Variants in SCFD2 observed in about 807,000 individuals in gnomAD.
SCFD2 encodes sec1 family domain-containing protein 2.
Under a neutral mutation model 58.9 loss-of-function variants are expected in SCFD2, and 54 were observed. The ratio of observed to expected loss-of-function variants is 0.92; its 90% CI spans 0.74 to 1.15. SCFD2 has a LOEUF of 1.15. SCFD2 is among the 50% of genes most tolerant of loss of function. The pLI is 0.00. For synonymous variants in SCFD2, 321 were observed against 335.9 expected, an observed-to-expected ratio of 0.96 and a Z score of 0.49; for missense variants, 805 against 836.6, an observed-to-expected ratio of 0.96 and a Z score of 0.47.
intron 5 of SCFD2, among the ~76,000 whole-genome samples, chr4:53,027,101 T>A (rs566873317): frequency 4.6e-5 from 7 of 152,322 alleles, no homozygotes; most frequent in Middle Eastern, 3.4e-3. Context: ...TGAGCTAGCC[T>A]CATCCAGAAC....
chr4:53,125,211 A>T (rs997798745), intron 5 of SCFD2, among the ~76,000 whole-genome samples: 6 of 152,216 alleles, frequency 3.9e-5, no homozygotes, highest in Non-Finnish European at 8.8e-5. Context: ...AATGGGGAAC[A>T]GGGAATGTAT....
chr4:52,978,259 C>G (rs979472944), intron 5 of SCFD2, among the ~76,000 whole-genome samples: 4 of 152,120 alleles, frequency 2.6e-5, no homozygotes, highest in African/African-American at 9.7e-5. Flanking sequence ...GAAAGTCACT[C>G]CCAGAGCAAG....
At chr4:53,128,477 T>C (rs1358094766) in intron 5 of SCFD2, among the ~76,000 whole-genome samples, 1 of 152,160 alleles carries the variant, frequency 6.6e-6, no homozygotes, top group Admixed American at 6.5e-5. Flanking sequence ...GGAGAACAAC[T>C]TGAAGTAATC....
chr4:53,197,460 G>C (rs1029950791), intron 4 of SCFD2, among the ~76,000 whole-genome samples: 13 of 151,990 alleles, frequency 8.6e-5, no homozygotes, highest in African/African-American at 3.1e-4. Flanking sequence ...TATTCATAAA[G>C]ACTTAACTAT....
In SCFD2 at chr4:53,229,116, A is replaced by G. The variant is rs535969760; in HGVS notation, c.1311+44710T>C. 5.6e-4 allele frequency among the ~76,000 whole-genome samples: 86 copies of G among 152,330 alleles called. 1 individual carries two copies. The highest frequency in any genetic ancestry group is 1.0e-3 in the Non-Finnish European group (70 of 68,034). On this transcript the variant is annotated intron_variant, in intron 4 of 8. Transcript: ENST00000401642. ...CTACAAACCACTGCTCAATGAAATA[A>G]AAGAGGATACAAACAAATGGAAGAA... is the stretch of plus-strand genomic sequence containing the variant.
chr4:53,174,920 CT>C (rs777550093), intron 4 of SCFD2, among the ~76,000 whole-genome samples: 4 of 150,220 alleles, frequency 2.7e-5, no homozygotes, highest in Non-Finnish European at 4.4e-5. Context: ...AATGTTCTGC[CT>C]ATGCCGTACA....
chr4:52,981,936 C>T (rs1721385622), intron 5 of SCFD2, among the ~76,000 whole-genome samples: 1 of 151,784 alleles, frequency 6.6e-6, no homozygotes, highest in African/African-American at 2.4e-5. Context: ...TGATGGGGGC[C>T]CAGGTGAGAA....
chr4:53,277,821 G>A (rs1189779530), intron 3 of SCFD2, among the ~76,000 whole-genome samples: 18 of 152,084 alleles, frequency 1.2e-4, no homozygotes, highest in Non-Finnish European at 2.9e-5. Flanking sequence ...GGGAGGCCGA[G>A]GCGGGCAGAT....
At chr4:53,283,444 A>G (rs1441367587) in intron 3 of SCFD2, among the ~76,000 whole-genome samples, 1 of 152,222 alleles carries the variant, frequency 6.6e-6, no homozygotes, top group African/African-American at 2.4e-5. Flanking sequence ...TTCAGTGGAC[A>G]TAATCATTTG....
chr4:53,180,094 A>G (rs191346267), intron 4 of SCFD2, among the ~76,000 whole-genome samples: 2 of 152,300 alleles, frequency 1.3e-5, no homozygotes, highest in Admixed American at 6.5e-5. Context: ...CAGAACAACG[A>G]GACAGAAAGT....
chr4:53,148,678 A>G (rs999436207), intron 4 of SCFD2, among the ~76,000 whole-genome samples: 18 of 152,230 alleles, frequency 1.2e-4, no homozygotes, highest in African/African-American at 3.9e-4. Flanking sequence ...GAGGGCAGCA[A>G]TTCATACTCT....
rs1434646346 is a variant in SCFD2, at chr4:53,067,851, G to A, written c.1561+77482C>T. ...CAGAGGTTATAACCAGCAAATACAG[G>A]AATCTAGCAGGTGAATAGTCTGCCT... On this transcript the variant is annotated intron_variant, in intron 5 of 8. Transcript: ENST00000401642. Among the ~76,000 whole-genome samples, 5 of 152,054 alleles carry A rather than the reference G, an allele frequency of 3.3e-5. 1 individual carries two copies. Among genetic ancestry groups the A allele is most frequent in the South Asian group, 4.1e-4 (2 of 4,826 alleles).
At chr4:53,044,910 C>CA (rs1722998475) in intron 5 of SCFD2, among the ~76,000 whole-genome samples, 1 of 9,884 alleles carries the variant, frequency 1.0e-4, no homozygotes, top group Non-Finnish European at 4.8e-4. Context: ...CCCCCAACCC[C>CA]CCCCCCCCGC....
chr4:52,962,076 G>C (rs767618677), intron 5 of SCFD2, among the ~76,000 whole-genome samples: 3 of 152,218 alleles, frequency 2.0e-5, no homozygotes, highest in Admixed American at 6.5e-5. Flanking sequence ...ATTACTGGTG[G>C]AGTGGGGATG....
intron 5 of SCFD2, among the ~76,000 whole-genome samples, chr4:53,067,631 A>T (rs977066248): frequency 5.9e-5 from 9 of 151,814 alleles, no homozygotes; most frequent in Non-Finnish European, 1.5e-5. Flanking sequence ...TCTTGGTTTC[A>T]TTCTTCTCTC....
At chr4:53,169,851 T>C (rs1010702601) in intron 4 of SCFD2, among the ~76,000 whole-genome samples, 1 of 152,216 alleles carries the variant, frequency 6.6e-6, no homozygotes, top group East Asian at 1.9e-4. Flanking sequence ...GAAATATCTG[T>C]TCAGGTCCCA....
chr4:53,175,353 C>T (rs1727297143), intron 4 of SCFD2, among the ~76,000 whole-genome samples: 2 of 151,954 alleles, frequency 1.3e-5, no homozygotes, highest in South Asian at 4.2e-4. Context: ...GTAATGTTTT[C>T]CAAATAATTA....
intron 4 of SCFD2, among the ~76,000 whole-genome samples, chr4:53,216,389 C>A (rs536279916): frequency 6.6e-6 from 1 of 152,110 alleles, no homozygotes; most frequent in African/African-American, 2.4e-5. Context: ...GTGTATGTGT[C>A]CAGGAATTTA....
At chr4:53,203,062 C>G (rs6844551) in intron 4 of SCFD2, among the ~76,000 whole-genome samples, 1 of 152,134 alleles carries the variant, frequency 6.6e-6, no homozygotes, top group South Asian at 2.1e-4. Flanking sequence ...TCCAACACTA[C>G]GTTGAATAGG....
Sources: gnomAD v4.1 joint callset for allele counts (sites outside exome capture counted in the v4.1 genomes callset) on GRCh38, gnomAD v4.1.1 for gene constraint, MANE v1.5 for transcripts, NCBI Gene and HGNC (gene_info 2026-07-23, HGNC 2026-07-21) for gene names.